The following ZC4H2 variants were observed in gnomAD, a reference collection of about 807,000 sequenced individuals.
ZC4H2 encodes zinc finger C4H2 domain-containing protein.
For synonymous variants in ZC4H2, 84 were observed against 66.3 expected, an observed-to-expected ratio of 1.27 and a Z score of -1.30; for missense variants, 137 against 173.9, an observed-to-expected ratio of 0.79 and a Z score of 1.19.
At chrX:65,032,734 T>TTTCTTTCCTTCC (rs558406108) in intron 1 of ZC4H2, among the ~76,000 whole-genome samples, 62 of 86,796 alleles carry the variant, frequency 7.1e-4, no homozygotes, top group African/African-American at 2.8e-3. Context: ...TTCTTCTTTC[T>TTTCTTTCCTTCC]TTCCTTCCTT....
intron 1 of ZC4H2, among the ~76,000 whole-genome samples, chrX:64,945,095 T>C (rs1050944042): frequency 2.7e-5 from 3 of 113,012 alleles, no homozygotes; most frequent in African/African-American, 9.6e-5. Flanking sequence ...CGTCAAACTC[T>C]TGCTCCATCC....
chrX:64,989,544 G>A (rs1267195640), intron 1 of ZC4H2, among the ~76,000 whole-genome samples: 1 of 111,624 alleles, frequency 9.0e-6, no homozygotes, highest in East Asian at 2.8e-4. Context: ...CTGATAAAAT[G>A]GACTTTATCA....
At chrX:64,918,977 C>A in intron 4 of ZC4H2, 65 bp downstream of exon 4, 1 of 1,113,872 alleles carries the variant, frequency 9.0e-7, no homozygotes, top group Non-Finnish European at 1.2e-6. Context: ...CCAGAACTAG[C>A]CTTCCACGGC....
Position 65,029,280 on chromosome X carries a change from C to T in ZC4H2, c.-272+5349G>A, listed in dbSNP as rs142422312. Among the ~76,000 whole-genome samples the T allele has an allele frequency of 7.0e-4, 79 of 112,266 alleles. 1 individual carries two copies. In the East Asian group the frequency reaches 0.013, roughly 18 times the overall value. On this transcript the variant is annotated intron_variant, in intron 1 of 4. Coordinates refer to the ZC4H2 transcript ENST00000337990. ...GCAGTGAGGTCCAATAACAAACATACTGAAAAGTGTCCATTGCATAGGGAA... is the reference window on the plus strand; with the variant it reads ...GCAGTGAGGTCCAATAACAAACATATTGAAAAGTGTCCATTGCATAGGGAA...
chrX:65,016,710 G>A (rs897592595), intron 1 of ZC4H2, among the ~76,000 whole-genome samples: 16 of 112,058 alleles, frequency 1.4e-4, no homozygotes, highest in Admixed American at 4.7e-4. Context: ...AGAGCATCAT[G>A]TTATTATTAG....
At chrX:64,958,655 G>T (rs1383538561) in intron 1 of ZC4H2, among the ~76,000 whole-genome samples, 1 of 110,842 alleles carries the variant, frequency 9.0e-6, no homozygotes, top group Non-Finnish European at 1.9e-5. Context: ...TGGTGGTGGT[G>T]GGGGGTGATT....
At chrX:64,951,129 A>T (rs1190457593) in intron 1 of ZC4H2, among the ~76,000 whole-genome samples, 1 of 111,801 alleles carries the variant, frequency 8.9e-6, no homozygotes, top group Non-Finnish European at 1.9e-5. Flanking sequence ...CTACAAAGGA[A>T]ATGAACTCAT....
At chrX:64,978,815 G>A (rs920000588), upstream of ZC4H2, among the ~76,000 whole-genome samples, 2 of 111,351 alleles carry the variant, frequency 1.8e-5, no homozygotes, top group African/African-American at 6.5e-5. Flanking sequence ...ACATAAAGTG[G>A]TTTATAATGC....
At chrX:64,950,823 T>A (rs767368161) in intron 1 of ZC4H2, among the ~76,000 whole-genome samples, 4 of 110,752 alleles carry the variant, frequency 3.6e-5, no homozygotes, top group South Asian at 7.8e-4. Context: ...ATTATTATTA[T>A]ACTTTAAGGT....
At chrX:64,958,440 T>C (rs1931249994) in intron 1 of ZC4H2, among the ~76,000 whole-genome samples, 1 of 111,752 alleles carries the variant, frequency 8.9e-6, no homozygotes. Flanking sequence ...TATATAAAAA[T>C]TGTTATATTG....
At chrX:65,011,581 G>T (rs1038745308) in intron 1 of ZC4H2, among the ~76,000 whole-genome samples, 2 of 111,741 alleles carry the variant, frequency 1.8e-5, no homozygotes, top group African/African-American at 6.5e-5. Context: ...CCATAGATCT[G>T]GGACACAAAT....
At chrX:65,021,983 T>C (rs1457704817) in intron 1 of ZC4H2, among the ~76,000 whole-genome samples, 3 of 111,361 alleles carry the variant, frequency 2.7e-5, no homozygotes, top group Non-Finnish European at 5.7e-5. Context: ...CAGGGAGAAG[T>C]CGAATCCCTG....
At chrX:64,987,464 G>GTT (rs777964481) in intron 1 of ZC4H2, among the ~76,000 whole-genome samples, 2 of 91,953 alleles carry the variant, frequency 2.2e-5, no homozygotes, top group Admixed American at 1.2e-4. Flanking sequence ...GGTTTGCTGG[G>GTT]TTTTTTTTTT....
chrX:64,936,611 C>T (rs892063475), intron 1 of ZC4H2, among the ~76,000 whole-genome samples: 5 of 111,141 alleles, frequency 4.5e-5, no homozygotes, highest in African/African-American at 6.5e-5. Context: ...AGAGTGGGGG[C>T]CAGTATTCAA....
intron 1 of ZC4H2, among the ~76,000 whole-genome samples, chrX:64,954,176 G>A (rs964460481): frequency 1.9e-5 from 2 of 103,434 alleles, no homozygotes; most frequent in African/African-American, 3.7e-5. Context: ...TGTGGGGTTG[G>A]GGGAATTGGG....
chrX:65,032,414 G>A (rs1932943011), intron 1 of ZC4H2, among the ~76,000 whole-genome samples: 1 of 111,713 alleles, frequency 9.0e-6, no homozygotes, highest in Admixed American at 9.4e-5. Context: ...TGAACACTAG[G>A]GAATTGTTTT....
chrX:64,920,716 C>G (rs1929159595), intron 2 of ZC4H2, among the ~76,000 whole-genome samples: 1 of 112,180 alleles, frequency 8.9e-6, no homozygotes, highest in South Asian at 3.7e-4. Context: ...CCCAGGCCAG[C>G]AGTCTTTTCT....
In ZC4H2 at chrX:64,974,562, G is replaced by A. The variant is rs1009878581; in HGVS notation, c.53+1763C>T. On this transcript the variant is annotated intron_variant, in intron 1 of 4. Transcript: ENST00000374839. ...TCCTCTACCACTCTCTTGGATGGAA[G>A]AGGGACAGTAGAAGTCCAGTTTCTC... 1.2e-4 allele frequency among the ~76,000 whole-genome samples: 13 copies of A among 111,910 alleles called. No homozygotes were observed. In the Admixed American group the frequency reaches 1.2e-3, roughly 11 times the overall value.
At chrX:64,973,023 A>G (rs1156612428) in intron 1 of ZC4H2, among the ~76,000 whole-genome samples, 1 of 111,102 alleles carries the variant, frequency 9.0e-6, no homozygotes, top group East Asian at 2.8e-4. Context: ...TAGATTGACT[A>G]TTTTTCATTA....
Sources: allele counts gnomAD v4.1 joint callset (sites outside exome capture counted in the v4.1 genomes callset), GRCh38; gene constraint gnomAD v4.1.1; transcripts MANE v1.5; gene names NCBI Gene and HGNC (gene_info 2026-07-23, HGNC 2026-07-21).